The following SH3RF3 variants were observed in gnomAD, a reference collection of about 807,000 sequenced individuals.
SH3RF3 encodes the protein E3 ubiquitin-protein ligase SH3RF3.
Under a neutral mutation model 66.3 loss-of-function variants are expected in SH3RF3, and 29 were observed. The ratio of observed to expected loss-of-function variants is 0.44; its 90% CI spans 0.33 to 0.60. SH3RF3 has a LOEUF of 0.60. Ranked by LOEUF, SH3RF3 falls within the 20% of genes least tolerant of loss-of-function variation. SH3RF3 has a pLI of 0.04. For missense variants in SH3RF3, 1,194 were observed against 1,190.9 expected, an observed-to-expected ratio of 1.00 and a Z score of -0.04; for synonymous variants, 583 against 532.0, an observed-to-expected ratio of 1.10 and a Z score of -1.32.
chr2:109,132,340 A>T (rs377333212), intron 1 of SH3RF3, among the ~76,000 whole-genome samples: 25 of 152,024 alleles, frequency 1.6e-4, no homozygotes, highest in Middle Eastern at 3.2e-3. Context: ...AGCTTTATTT[A>T]AAAAAAAGTT....
chr2:109,312,912 C>T (rs1468605803), intron 1 of SH3RF3, among the ~76,000 whole-genome samples: 1 of 152,122 alleles, frequency 6.6e-6, no homozygotes, highest in Non-Finnish European at 1.5e-5. Context: ...GTCACGTGGT[C>T]ATCCTAGGTG....
chr2:109,284,749 C>A (rs138125536), intron 1 of SH3RF3, among the ~76,000 whole-genome samples: 1 of 152,122 alleles, frequency 6.6e-6, no homozygotes, highest in Non-Finnish European at 1.5e-5. Context: ...GTGAAGTCCC[C>A]GCATGGCTAA....
intron 2 of SH3RF3, among the ~76,000 whole-genome samples, chr2:109,367,843 G>A (rs550734198): frequency 6.6e-6 from 1 of 152,264 alleles, no homozygotes; most frequent in Non-Finnish European, 1.5e-5. Context: ...CTCAGAGGGT[G>A]CACAGGCTTC....
chr2:109,246,961 T>G (rs1216257961), intron 1 of SH3RF3, among the ~76,000 whole-genome samples: 1 of 152,224 alleles, frequency 6.6e-6, no homozygotes, highest in Non-Finnish European at 1.5e-5. Context: ...TCCCAGAGCA[T>G]GAGGAGGACT....
intron 9 of SH3RF3, among the ~76,000 whole-genome samples, chr2:109,496,568 G>A (rs936379546): frequency 3.9e-5 from 6 of 152,208 alleles, no homozygotes; most frequent in African/African-American, 9.7e-5. Flanking sequence ...CGGCCTGGCC[G>A]ACTCCTGCCC....
At chr2:109,486,616 C>T (rs2104364026) in intron 8 of SH3RF3, among the ~76,000 whole-genome samples, 1 of 152,276 alleles carries the variant, frequency 6.6e-6, no homozygotes, top group East Asian at 1.9e-4. Flanking sequence ...CAGATGGTAC[C>T]CTTCCAAAGG....
At chr2:109,374,585 A>C (rs1683340799) in intron 3 of SH3RF3, among the ~76,000 whole-genome samples, 1 of 152,120 alleles carries the variant, frequency 6.6e-6, no homozygotes, top group African/African-American at 2.4e-5. Context: ...TGGAGCTTCC[A>C]TCTTGGGCTA....
chr2:109,133,725 T>G (rs1234016500), intron 1 of SH3RF3, among the ~76,000 whole-genome samples: 1 of 131,426 alleles, frequency 7.6e-6, no homozygotes, highest in African/African-American at 3.8e-5. Context: ...AGGGACAATT[T>G]TTTTTTTTTT....
At position 109,197,003 on chromosome 2, in the gene SH3RF3, C is replaced by T. The variant is rs1444052828; in HGVS notation, c.573+66890C>T. ...GGTGCTTAGTTTGATTTCCCTTAGC[C>T]CTCACCATAGCCCTGTGAGTGGGTG... On this transcript the variant is annotated intron_variant, in intron 1 of 9. Coordinates refer to ENST00000309415, the MANE Select transcript of SH3RF3 (RefSeq NM_001099289.3). 3.9e-5 allele frequency among the ~76,000 whole-genome samples: 6 copies of T among 152,174 alleles called. No individual in the cohort carries two copies. In the South Asian group the frequency reaches 1.0e-3, roughly 26 times the overall value.
At chr2:109,382,199 A>G (rs970029427) in intron 3 of SH3RF3, among the ~76,000 whole-genome samples, 17 of 152,210 alleles carry the variant, frequency 1.1e-4, no homozygotes, top group African/African-American at 2.9e-4. Context: ...TTTGTAGCCC[A>G]GGAATTTAGG....
Position 109,408,024 on chromosome 2 carries a change from A to G in SH3RF3, c.1299+9081A>G, listed in dbSNP as rs148912523. Among the ~76,000 whole-genome samples, 1,111 of 152,286 alleles carry G rather than the reference A, an allele frequency of 7.3e-3. 10 individuals carry two copies. The highest frequency in any genetic ancestry group is 0.045 in the East Asian group (230 of 5,168). On this transcript the variant is annotated intron_variant, in intron 4 of 9. Coordinates refer to ENST00000309415, the MANE Select transcript of SH3RF3 (RefSeq NM_001099289.3). Reference sequence around the variant, plus strand: ...CTCCAGGCCATCCTTGGGCAGAGTCAGGAAAGATCCTTGGGTCTTCTTGGC... The same window carrying G: ...CTCCAGGCCATCCTTGGGCAGAGTCGGGAAAGATCCTTGGGTCTTCTTGGC...
rs1250161078 is a variant in SH3RF3, at chr2:109,490,685, T to G, written c.2229T>G (p.Ser743=). The G allele has an allele frequency of 1.3e-6, 2 of 1,526,458 alleles. No individual in the cohort carries two copies. Among genetic ancestry groups the G allele is most frequent in the South Asian group, 2.4e-5 (2 of 83,162 alleles). The allele number at this position is 1,526,458 out of a possible 1,614,324, so 94.6% of individuals were successfully genotyped here. A position where few individuals can be genotyped will look rare whatever the true frequency, so the allele number is the denominator to read the frequency against. The stretch of plus-strand genomic sequence containing the variant: ...AGTCACGCTCCCCGCCATCTGTGTC[T>G]CCAACCCACGACCCCCAGGTGGCCG... ...KKKSRSPPSV[S]PTHDPQVAVD... is the part of the protein sequence containing the mutation. The change falls in exon 9 of 10, where the codon TCT becomes TCG. Residue 743 remains serine, a synonymous_variant. Coordinates refer to ENST00000309415, the MANE Select transcript of SH3RF3 (RefSeq NM_001099289.3).
chr2:109,377,801 C>T (rs191806585), intron 3 of SH3RF3, among the ~76,000 whole-genome samples: 1 of 152,308 alleles, frequency 6.6e-6, no homozygotes, highest in Admixed American at 6.5e-5. Context: ...CCTCCTGCTC[C>T]TGTAGCACCG....
At chr2:109,293,174 C>G (rs1226277495) in intron 1 of SH3RF3, among the ~76,000 whole-genome samples, 1 of 152,230 alleles carries the variant, frequency 6.6e-6, no homozygotes, top group East Asian at 1.9e-4. Context: ...GTGCCCTGGG[C>G]CTCCGATGGT....
chr2:109,274,019 A>C (rs1680690273), intron 1 of SH3RF3, among the ~76,000 whole-genome samples: 1 of 152,202 alleles, frequency 6.6e-6, no homozygotes, highest in South Asian at 2.1e-4. Flanking sequence ...GGGCTTATAA[A>C]AGAGTGCCAG....
intron 2 of SH3RF3, among the ~76,000 whole-genome samples, chr2:109,364,331 T>C (rs1415326109): frequency 6.6e-6 from 1 of 152,188 alleles, no homozygotes; most frequent in Non-Finnish European, 1.5e-5. Context: ...ACATTTCTTT[T>C]CTGGCTCTTT....
chr2:109,426,974 ATATATT>A (rs1239769967), intron 5 of SH3RF3, among the ~76,000 whole-genome samples: 3 of 107,468 alleles, frequency 2.8e-5, no homozygotes. Context: ...ATATATATAT[ATATATT>A]TTTTTTTGAG....
In SH3RF3 at chr2:109,491,058, A is replaced by G. The variant is rs1679117684; in HGVS notation, c.2480+122A>G. On this transcript the variant is annotated intron_variant, in intron 9 of 9. Coordinates refer to ENST00000309415, the MANE Select transcript of SH3RF3 (RefSeq NM_001099289.3). ...GGATTAGGTTTACCAGATGTACCTC[A>G]ACACCCAGATCCACATGGTCCCGAG... is the stretch of plus-strand genomic sequence containing the variant. 4.3e-6 allele frequency: 4 copies of G among 923,132 alleles called. No individual in the cohort carries two copies. The East Asian group carries it at 1.2e-4, about 27-fold the overall frequency. The allele number at this position is 923,132 out of a possible 1,614,324, so 57.2% of individuals were successfully genotyped here.
At chr2:109,329,906 C>T (rs1270351796) in intron 1 of SH3RF3, among the ~76,000 whole-genome samples, 5 of 152,148 alleles carry the variant, frequency 3.3e-5, no homozygotes, top group African/African-American at 9.7e-5. Context: ...CTCTGCAGAA[C>T]CTCTTAACTT....
Sources: allele counts gnomAD v4.1 joint callset (sites outside exome capture counted in the v4.1 genomes callset), GRCh38; gene constraint gnomAD v4.1.1; transcripts MANE v1.5; gene names NCBI Gene and HGNC (gene_info 2026-07-23, HGNC 2026-07-21).